CSMD3: variants seen among roughly 807,000 people sequenced by gnomAD.
The protein encoded by CSMD3 is CUB and sushi domain-containing protein 3.
CSMD3 carries 177 observed loss-of-function variants against 435.2 expected under a neutral mutation model. The ratio of observed to expected loss-of-function variants is 0.41; its 90% confidence interval spans 0.36 to 0.46. CSMD3 has a LOEUF of 0.46. Among genes scored for constraint, CSMD3 ranks in the 20% least tolerant of loss-of-function variants. CSMD3 has a pLI of 0.34. For synonymous variants in CSMD3, 1,656 were observed against 1,520.5 expected, an observed-to-expected ratio of 1.09 and a Z score of -2.07; for missense variants, 4,265 against 4,504.6, an observed-to-expected ratio of 0.95 and a Z score of 1.52.
intron 53 of CSMD3, among the ~76,000 whole-genome samples, chr8:112,299,250 T>C (rs1586698309): frequency 1.3e-5 from 2 of 152,204 alleles, no homozygotes; most frequent in African/African-American, 4.8e-5. Context: ...TCTGAGGTAA[T>C]GGCAATATTC....
chr8:112,766,506 G>A (rs1042120775), intron 13 of CSMD3, among the ~76,000 whole-genome samples: 13 of 151,714 alleles, frequency 8.6e-5, no homozygotes, highest in Non-Finnish European at 1.6e-4. Flanking sequence ...GTAGCAAAAA[G>A]TTACTGCTAT....
chr8:112,639,789 C>T (rs1252400089), intron 20 of CSMD3, among the ~76,000 whole-genome samples: 1 of 152,112 alleles, frequency 6.6e-6, no homozygotes, highest in African/African-American at 2.4e-5. Context: ...TATAGTATGG[C>T]ATTCCACCTT....
chr8:113,303,363 T>TC (rs1179373822), intron 2 of CSMD3, among the ~76,000 whole-genome samples: 5 of 150,216 alleles, frequency 3.3e-5, no homozygotes, highest in African/African-American at 1.2e-4. Context: ...TTCAATGCCG[T>TC]CCCCATCAAG....
intron 2 of CSMD3, among the ~76,000 whole-genome samples, chr8:113,279,065 T>C (rs1006446043): frequency 5.9e-5 from 9 of 151,450 alleles, no homozygotes; most frequent in African/African-American, 2.2e-4. Context: ...CTGTGAAACC[T>C]AGTGACTAAG....
intron 17 of CSMD3, among the ~76,000 whole-genome samples, chr8:112,663,282 T>C (rs1476412536): frequency 1.3e-5 from 2 of 151,956 alleles, no homozygotes; most frequent in African/African-American, 2.4e-5. Flanking sequence ...GTAGCACATA[T>C]ACACCATGGA....
intron 63 of CSMD3, among the ~76,000 whole-genome samples, chr8:112,248,502 T>C (rs1192456581): frequency 6.6e-6 from 1 of 152,018 alleles, no homozygotes; most frequent in Non-Finnish European, 1.5e-5. Context: ...TGATTAGAGG[T>C]GGAGGATGAG....
intron 1 of CSMD3, among the ~76,000 whole-genome samples, chr8:113,382,233 T>A (rs1175356441): frequency 6.6e-6 from 1 of 152,182 alleles, no homozygotes; most frequent in Non-Finnish European, 1.5e-5. Context: ...ATTCTAAGAA[T>A]AATTAAGACA....
chr8:112,663,309 A>G (rs2131692649), intron 17 of CSMD3, among the ~76,000 whole-genome samples: 1 of 152,220 alleles, frequency 6.6e-6, no homozygotes, highest in South Asian at 2.1e-4. Flanking sequence ...TGCAGCCATA[A>G]AAAATGATGA....
At chr8:112,323,981 A>G (rs2201203) in intron 45 of CSMD3, among the ~76,000 whole-genome samples, 36,806 of 152,010 alleles carry the variant, frequency 0.24, 4,632 homozygotes, top group East Asian at 0.39. Context: ...CCAAGTTCCA[A>G]TATAAAATTA....
intron 1 of CSMD3, among the ~76,000 whole-genome samples, chr8:113,317,349 A>G (rs943639797): frequency 6.6e-6 from 1 of 152,106 alleles, no homozygotes; most frequent in African/African-American, 2.4e-5. Flanking sequence ...TTCAGCTACA[A>G]TCTGATCTAC....
chr8:112,640,645 AG>A (rs1265022576), intron 20 of CSMD3, among the ~76,000 whole-genome samples: 2 of 151,368 alleles, frequency 1.3e-5, no homozygotes, highest in African/African-American at 2.4e-5. Flanking sequence ...GCCCTTTTAG[AG>A]GGGGTCTAAA....
chr8:112,242,020 G>A (rs1814219580), intron 65 of CSMD3, among the ~76,000 whole-genome samples: 1 of 152,066 alleles, frequency 6.6e-6, no homozygotes, highest in African/African-American at 2.4e-5. Context: ...CAGTCTATTG[G>A]CACAAGGGGC....
intron 6 of CSMD3, among the ~76,000 whole-genome samples, chr8:112,982,535 A>T (rs1253819784): frequency 2.0e-5 from 3 of 151,934 alleles, no homozygotes; most frequent in Non-Finnish European, 2.9e-5. Context: ...AACGTCACAC[A>T]CACTTGTTTC....
intron 3 of CSMD3, among the ~76,000 whole-genome samples, chr8:113,201,718 G>A (rs941541235): frequency 4.6e-5 from 7 of 151,830 alleles, no homozygotes; most frequent in African/African-American, 9.7e-5. Flanking sequence ...AATAAAAATC[G>A]TATGCTGATT....
At chr8:113,045,167 G>A (rs1199787461) in intron 5 of CSMD3, among the ~76,000 whole-genome samples, 1 of 148,956 alleles carries the variant, frequency 6.7e-6, no homozygotes, top group Non-Finnish European at 1.5e-5. Context: ...GTTAAATGAA[G>A]GGGCTAAACA....
chr8:112,988,251 T>C (rs373757638), intron 6 of CSMD3, among the ~76,000 whole-genome samples: 43 of 152,196 alleles, frequency 2.8e-4, no homozygotes, highest in Non-Finnish European at 4.7e-4. Context: ...CTGTCAAATA[T>C]GATAGGGGCT....
chr8:113,337,773 A>G (rs1159102052), intron 1 of CSMD3, among the ~76,000 whole-genome samples: 3 of 152,012 alleles, frequency 2.0e-5, no homozygotes, highest in African/African-American at 7.2e-5. Context: ...GATCTATTGT[A>G]TAACATGGTG....
chr8:113,117,372 A>G (rs2090862296), intron 4 of CSMD3, among the ~76,000 whole-genome samples: 1 of 152,216 alleles, frequency 6.6e-6, no homozygotes, highest in South Asian at 2.1e-4. Flanking sequence ...GAGGGTACAC[A>G]GAAGTCAAGA....
chr8:113,292,438 A>T (rs548725824), intron 2 of CSMD3, among the ~76,000 whole-genome samples: 1 of 151,894 alleles, frequency 6.6e-6, no homozygotes, highest in Non-Finnish European at 1.5e-5. Flanking sequence ...AAACAAAAGC[A>T]TATTCTTAAA....
Sources: allele counts gnomAD v4.1 joint callset (sites outside exome capture counted in the v4.1 genomes callset), GRCh38; gene constraint gnomAD v4.1.1; transcripts MANE v1.5; gene names NCBI Gene and HGNC (gene_info 2026-07-23, HGNC 2026-07-21).